EGF: variants seen among roughly 807,000 people sequenced by gnomAD.
The protein encoded by EGF is pro-epidermal growth factor.
EGF carries 95 observed loss-of-function variants against 143.8 expected under a neutral mutation model. The observed-to-expected ratio is 0.66, with a 90% CI of 0.56 to 0.78. The LOEUF is 0.78. EGF is among the 30% of genes least tolerant of loss of function. The pLI, the probability that EGF is intolerant of heterozygous loss-of-function variation, is 0.00. For missense variants in EGF, 1,320 were observed against 1,470.9 expected (o/e 0.90, Z 1.68); for synonymous variants, 510 against 510.5 (o/e 1.00, Z 0.01).
rs1744126494 is a variant in EGF at position 109,952,613 on chromosome 4, A to G, written c.941-6699A>G. On this transcript the variant is annotated intron_variant, in intron 5 of 23. Coordinates refer to ENST00000265171, the MANE Select transcript of EGF (RefSeq NM_001963.6). ...AAATATTTAGTTCATATAATTTTAA[A>G]TTATTAGTTTAAACACATAAAATTC... Among the ~76,000 whole-genome samples, 4 of 152,360 alleles carry G rather than the reference A, an allele frequency of 2.6e-5. No individual in the cohort carries two copies. The South Asian group carries it at 8.3e-4, about 32-fold the overall frequency.
In EGF at chr4:109,918,514, C is replaced by T. The variant is rs142969014; in HGVS notation, c.127+5052C>T. 7.7e-3 allele frequency among the ~76,000 whole-genome samples: 1,177 copies of T among 152,162 alleles called. 13 individuals carry two copies. Among genetic ancestry groups the T allele is most frequent in the African/African-American group, 0.027 (1,112 of 41,510 alleles). On this transcript the variant is annotated intron_variant, in intron 1 of 23. Transcript: ENST00000265171. ...ATATGTTCCAGGAAACCCAATGTCT[C>T]TCTCCTCTGTCTTGGAAGATGCTGG...
In EGF at chr4:109,976,011, G is replaced by A. The variant is rs768520764; in HGVS notation, c.1830-1G>A. On this transcript the variant is annotated splice_acceptor_variant, in intron 12 of 23. Coordinates refer to ENST00000265171, the MANE Select transcript of EGF (RefSeq NM_001963.6). LOFTEE classifies it high-confidence loss of function. ...TTTGTTGTGTGCTTTCTTGATTAAAGGAGATTATTCTGGACTGATACAGGG... is the reference window on the plus strand; with the variant it reads ...TTTGTTGTGTGCTTTCTTGATTAAAAGAGATTATTCTGGACTGATACAGGG... The A allele has an allele frequency of 2.5e-6, 4 of 1,613,248 alleles. No individual in the cohort carries two copies. The highest frequency in any genetic ancestry group is 3.4e-6 in the Non-Finnish European group (4 of 1,179,348).
At chr4:110,002,829 G>T (rs1005006965) in intron 21 of EGF, among the ~76,000 whole-genome samples, 2 of 152,064 alleles carry the variant, frequency 1.3e-5, no homozygotes, top group Non-Finnish European at 2.9e-5. Context: ...TCCACCCTCA[G>T]GTAGCCCCCA....
chr4:109,982,261 G>A (rs540927011), intron 15 of EGF, among the ~76,000 whole-genome samples: 2 of 151,660 alleles, frequency 1.3e-5, no homozygotes, highest in South Asian at 2.1e-4. Flanking sequence ...TTCCCACCTC[G>A]GCCTCCCAAA....
At chr4:109,964,304 T>G in intron 9 of EGF, 97 bp from the exon 10 acceptor site, 1 of 1,543,644 alleles carries the variant, frequency 6.5e-7, no homozygotes, top group Non-Finnish European at 8.9e-7. Flanking sequence ...ACTGTAGAAA[T>G]TGGGTAAAAA....
chr4:109,937,320 C>G (rs965152884), intron 1 of EGF, among the ~76,000 whole-genome samples: 1 of 148,752 alleles, frequency 6.7e-6, no homozygotes, highest in Non-Finnish European at 1.5e-5. Flanking sequence ...CTTTGTTTCT[C>G]TAAAGTCTGT....
At chr4:109,915,208 G>A (rs1051348945) in intron 1 of EGF, among the ~76,000 whole-genome samples, 3 of 152,158 alleles carry the variant, frequency 2.0e-5, no homozygotes, top group Non-Finnish European at 4.4e-5. Context: ...GGAACCACAG[G>A]TTTTAGAAAC....
chr4:110,012,356 TTC>T lies in EGF; in HGVS notation c.*903_*904del, dbSNP rs1400017659. 2 of 143,078 alleles carry T rather than the reference TTC, an allele frequency of 1.4e-5. No homozygotes were observed. The highest frequency in any genetic ancestry group is 7.2e-5 in the Admixed American group (1 of 13,796). 8.9% of individuals were successfully genotyped at this position (143,078 alleles called of 1,614,324 possible). A position where few individuals can be genotyped will look rare whatever the true frequency, so the allele number is the denominator to read the frequency against. On this transcript the variant is annotated 3_prime_UTR_variant, in exon 24 of 24. Transcript: ENST00000265171. ...AATGATTTGTCAAGCTTGCTGATGT[TTC>T]TGTTTTTCGTTTTTTTTTTTTTTCC...
chr4:109,964,373 T>G, intron 9 of EGF, 28 bp from the exon 10 acceptor site: 1 of 1,613,656 alleles, frequency 6.2e-7, no homozygotes, highest in Non-Finnish European at 8.5e-7. Context: ...CGTTTTAAAT[T>G]CAGCCATATT....
At chr4:109,929,309 TTTC>T (rs944290715) in intron 1 of EGF, among the ~76,000 whole-genome samples, 41 of 152,322 alleles carry the variant, frequency 2.7e-4, no homozygotes, top group African/African-American at 9.9e-4. Flanking sequence ...GAAACTTTCC[TTTC>T]TTCTTCTGTA....
chr4:109,922,200 A>G (rs1170197568), intron 1 of EGF, among the ~76,000 whole-genome samples: 1 of 151,742 alleles, frequency 6.6e-6, no homozygotes, highest in African/African-American at 2.4e-5. Flanking sequence ...CTCTAAGTGG[A>G]TCAAAAGGCT....
At chr4:109,916,103 G>T (rs1391791409) in intron 1 of EGF, among the ~76,000 whole-genome samples, 1 of 152,160 alleles carries the variant, frequency 6.6e-6, no homozygotes, top group East Asian at 1.9e-4. Flanking sequence ...GTAATAAAGG[G>T]TAAGGAAGAA....
chr4:109,981,294 T>G (rs1044326210), intron 15 of EGF, among the ~76,000 whole-genome samples: 1 of 152,200 alleles, frequency 6.6e-6, no homozygotes. Context: ...TTCAGCGATA[T>G]TTTGTTTAGA....
intron 5 of EGF, 134 bp downstream of exon 5, chr4:109,945,409 G>A (rs1742678439): frequency 3.9e-6 from 3 of 767,204 alleles, no homozygotes; most frequent in Admixed American, 4.1e-5. Context: ...AGTCATAATA[G>A]ACCCCTGTAA....
At position 109,922,490 on chromosome 4, in the gene EGF, T is replaced by G. The variant is rs953857362; in HGVS notation, c.127+9028T>G. The stretch of plus-strand genomic sequence containing the variant: ...ACATCCTCTTTAACATGAGCTATGT[T>G]GACACATATGAAGTTACTGGGTTTA... On this transcript the variant is annotated intron_variant, in intron 1 of 23. Transcript: ENST00000265171. 6.6e-5 allele frequency among the ~76,000 whole-genome samples: 10 copies of G among 151,870 alleles called. 1 individual carries two copies. Among genetic ancestry groups the G allele is most frequent in the African/African-American group, 2.4e-4 (10 of 41,128 alleles).
intron 5 of EGF, among the ~76,000 whole-genome samples, chr4:109,958,936 A>G (rs1037767434): frequency 1.9e-4 from 29 of 151,738 alleles, no homozygotes; most frequent in Non-Finnish European, 2.2e-4. Flanking sequence ...AAAAAAAAAA[A>G]AAGTATTCTT....
chr4:109,915,458 C>T (rs1393657688), intron 1 of EGF, among the ~76,000 whole-genome samples: 1 of 152,170 alleles, frequency 6.6e-6, no homozygotes, highest in Non-Finnish European at 1.5e-5. Flanking sequence ...CGTATTTGAA[C>T]AGTGCAGTGA....
At position 109,980,019 on chromosome 4, in the gene EGF, G is replaced by T. The variant is rs1407378669; in HGVS notation, c.2101G>T (p.Asp701Tyr). The change falls in exon 14 of 24, where the codon GAT becomes TAT. Residue 701 changes from aspartate to tyrosine, a missense_variant. By Grantham distance (160) the Asp-to-Tyr change is radical. This residue lies in a region of EGF where 1,186 missense variants were observed against 1,313.7 expected (regional missense o/e 0.90). Transcript: ENST00000265171. ...GTTTGAGGATTATGTGTGGTTCTCA[G>T]ATTGGGCTATGCCATCAGTAATGAG... is the stretch of plus-strand genomic sequence containing the variant. Reference protein sequence around the residue: ...AVFEDYVWFSDWAMPSVMRVN... With the variant: ...AVFEDYVWFSYWAMPSVMRVN... 4 of 1,614,094 alleles carry T rather than the reference G, an allele frequency of 2.5e-6. No homozygotes were observed. The highest frequency in any genetic ancestry group is 3.4e-6 in the Non-Finnish European group (4 of 1,179,962).
At chr4:109,997,140 AATC>A (rs1370423136) in intron 20 of EGF, among the ~76,000 whole-genome samples, 1 of 152,050 alleles carries the variant, frequency 6.6e-6, no homozygotes, top group African/African-American at 2.4e-5. Flanking sequence ...TCAGGGATGA[AATC>A]ACAGAGAGTT....
Sources: gnomAD v4.1 joint callset for allele counts (sites outside exome capture counted in the v4.1 genomes callset) on GRCh38, gnomAD v4.1.1 for gene constraint, gnomAD v4.1.1 regional missense constraint, MANE v1.5 for transcripts, NCBI Gene and HGNC (gene_info 2026-07-23, HGNC 2026-07-21) for gene names.